The following UVRAG variants were observed in gnomAD, a reference collection of about 807,000 sequenced individuals.
UVRAG encodes the protein UV radiation resistance-associated gene protein.
In UVRAG, 19 loss-of-function variants were observed where a neutral mutation model predicts 78.0. The ratio of observed to expected loss-of-function variants is 0.24; its 90% CI spans 0.17 to 0.36. The LOEUF (loss-of-function observed/expected upper bound fraction) is 0.36, where lower values mean the gene tolerates loss of function less well. Ranked by LOEUF, UVRAG falls within the 10% of genes least tolerant of loss-of-function variation. The pLI is 1.00. For synonymous variants in UVRAG, 323 were observed against 324.6 expected (o/e 1.00, Z 0.05); for missense variants, 740 against 853.8 (o/e 0.87, Z 1.66).
chr11:75,934,869 T>C (rs1948333283), intron 6 of UVRAG: 1 of 152,174 alleles, frequency 6.6e-6, no homozygotes, highest in African/African-American at 2.4e-5. Context: ...TTAGTGATGC[T>C]ACAGGCAGGC....
At chr11:76,061,455 G>A (rs895238909) in intron 12 of UVRAG, among the ~76,000 whole-genome samples, 1 of 152,118 alleles carries the variant, frequency 6.6e-6, no homozygotes, top group East Asian at 1.9e-4. Flanking sequence ...TTGTTGTTTC[G>A]TTCTTTGCAA....
intron 14 of UVRAG, among the ~76,000 whole-genome samples, chr11:76,138,370 C>G (rs534275559): frequency 1.3e-5 from 2 of 152,336 alleles, no homozygotes; most frequent in East Asian, 3.9e-4. Context: ...GGCAGCTCAT[C>G]TTCCACGGGG....
intron 8 of UVRAG, among the ~76,000 whole-genome samples, chr11:75,993,973 G>T (rs901837493): frequency 2.0e-5 from 3 of 152,134 alleles, no homozygotes; most frequent in Non-Finnish European, 2.9e-5. Flanking sequence ...ACCAAAGCAA[G>T]AACTCACTAT....
intron 12 of UVRAG, among the ~76,000 whole-genome samples, chr11:76,028,434 C>T (rs1950371532): frequency 6.6e-6 from 1 of 152,090 alleles, no homozygotes; most frequent in African/African-American, 2.4e-5. Flanking sequence ...AATGATTGAG[C>T]TTAATGAGGA....
At chr11:75,867,658 G>A (rs1184272091) in intron 3 of UVRAG, among the ~76,000 whole-genome samples, 1 of 152,146 alleles carries the variant, frequency 6.6e-6, no homozygotes, top group South Asian at 2.1e-4. Flanking sequence ...GAGTGGAATT[G>A]CTAGGAATAT....
intron 13 of UVRAG, among the ~76,000 whole-genome samples, chr11:76,101,866 G>T (rs1272942767): frequency 6.6e-6 from 1 of 152,134 alleles, no homozygotes; most frequent in African/African-American, 2.4e-5. Context: ...GTTTTTGTCA[G>T]CTTTGTCAAA....
At chr11:75,857,630 C>T (rs957458883) in intron 2 of UVRAG, among the ~76,000 whole-genome samples, 1 of 152,020 alleles carries the variant, frequency 6.6e-6, no homozygotes, top group African/African-American at 2.4e-5. Flanking sequence ...GCTAGGACTA[C>T]AGGTGTATGC....
At chr11:75,821,540 C>G (rs1048575348) in intron 1 of UVRAG, among the ~76,000 whole-genome samples, 2 of 152,170 alleles carry the variant, frequency 1.3e-5, no homozygotes, top group African/African-American at 4.8e-5. Context: ...AGAAATGAGT[C>G]TCACTCTGGT....
At chr11:75,826,338 G>T (rs1047732817) in intron 1 of UVRAG, among the ~76,000 whole-genome samples, 4 of 151,608 alleles carry the variant, frequency 2.6e-5, no homozygotes, top group Non-Finnish European at 5.9e-5. Flanking sequence ...TGTATCTTTA[G>T]TAGAGACGGG....
At chr11:75,879,422 C>A (rs531280701) in intron 3 of UVRAG, among the ~76,000 whole-genome samples, 1 of 152,320 alleles carries the variant, frequency 6.6e-6, no homozygotes, top group African/African-American at 2.4e-5. Flanking sequence ...GTGATGTCTT[C>A]CCCTGTTCAT....
At chr11:76,044,279 T>G (rs969621331) in intron 12 of UVRAG, among the ~76,000 whole-genome samples, 1 of 152,178 alleles carries the variant, frequency 6.6e-6, no homozygotes, top group Admixed American at 6.5e-5. Context: ...AGAATGGGCA[T>G]TGGGGCACAA....
intron 8 of UVRAG, among the ~76,000 whole-genome samples, chr11:75,991,056 T>G (rs1949596999): frequency 6.6e-6 from 1 of 152,232 alleles, no homozygotes; most frequent in Non-Finnish European, 1.5e-5. Context: ...TGTATGTTGT[T>G]TGGCAGTGAT....
At chr11:75,950,613 A>T (rs1948673137) in intron 6 of UVRAG, among the ~76,000 whole-genome samples, 1 of 152,148 alleles carries the variant, frequency 6.6e-6, no homozygotes, top group South Asian at 2.1e-4. Context: ...TTAACTTATT[A>T]GGTATTGCCA....
intron 6 of UVRAG, among the ~76,000 whole-genome samples, chr11:75,929,495 A>AG (rs1012491444): frequency 1.3e-5 from 2 of 152,152 alleles, no homozygotes; most frequent in Admixed American, 1.3e-4. Context: ...GGGTTAAAAT[A>AG]GGGGGATTTA....
At chr11:75,862,478 A>T (rs753951160) in intron 3 of UVRAG, among the ~76,000 whole-genome samples, 5 of 152,140 alleles carry the variant, frequency 3.3e-5, no homozygotes, top group African/African-American at 4.8e-5. Flanking sequence ...ACCATCTTGG[A>T]TTTGGCCCTT....
chr11:75,861,503 A>T (rs1188962999), intron 2 of UVRAG, among the ~76,000 whole-genome samples: 1 of 152,246 alleles, frequency 6.6e-6, no homozygotes, highest in African/African-American at 2.4e-5. Flanking sequence ...TCAGTAAGGT[A>T]ATAATCACTA....
intron 12 of UVRAG, among the ~76,000 whole-genome samples, chr11:76,057,562 C>G (rs1219640559): frequency 6.6e-6 from 1 of 152,134 alleles, no homozygotes; most frequent in Non-Finnish European, 1.5e-5. Context: ...AACATGGAAA[C>G]AGATGCTGAA....
chr11:76,057,183 C>T (rs1023308187), intron 12 of UVRAG, among the ~76,000 whole-genome samples: 3 of 151,332 alleles, frequency 2.0e-5, no homozygotes, highest in African/African-American at 7.3e-5. Context: ...TTTGATGGTT[C>T]TAAGTAGGAG....
At chr11:75,900,967 T>C (rs2134986178) in intron 5 of UVRAG, among the ~76,000 whole-genome samples, 1 of 152,296 alleles carries the variant, frequency 6.6e-6, no homozygotes, top group South Asian at 2.1e-4. Context: ...TCAGGTTAAT[T>C]GTCTAAGAAG....
Sources: allele counts gnomAD v4.1 joint callset (sites outside exome capture counted in the v4.1 genomes callset), GRCh38; gene constraint gnomAD v4.1.1; transcripts MANE v1.5; gene names NCBI Gene and HGNC (gene_info 2026-07-23, HGNC 2026-07-21).